The following FNIP2 variants were observed in gnomAD, a reference collection of about 807,000 sequenced individuals.
FNIP2 encodes the protein folliculin-interacting protein 2.
A neutral mutation model predicts 108.7 loss-of-function variants in FNIP2; 32 were observed. That is an observed-to-expected ratio of 0.29 (90% CI 0.22 to 0.40). The LOEUF is 0.40. Ranked by LOEUF, FNIP2 falls within the 10% of genes least tolerant of loss-of-function variation. FNIP2 has a pLI of 1.00. For synonymous variants in FNIP2, 480 were observed against 496.7 expected, an observed-to-expected ratio of 0.97 and a Z score of 0.45; for missense variants, 1,202 against 1,381.6, an observed-to-expected ratio of 0.87 and a Z score of 2.06.
intron 1 of FNIP2, among the ~76,000 whole-genome samples, chr4:158,782,630 C>T (rs1198325566): frequency 6.6e-6 from 1 of 151,904 alleles, no homozygotes; most frequent in African/African-American, 2.4e-5. Context: ...CCTAAAATTC[C>T]AGACTTATTG....
In FNIP2 at chr4:158,868,455, A is replaced by C. The variant is rs746799652; in HGVS notation, c.1819A>C (p.Ser607Arg). Residue 607 changes from serine to arginine, a missense_variant, in exon 13 of 17, where the codon AGT (serine) becomes CGT (arginine). Physicochemically the swap from Ser to Arg is moderately radical, Grantham distance 110. Coordinates refer to ENST00000264433, the MANE Select transcript of FNIP2 (RefSeq NM_020840.3). This position sits in a 1 kb window ranked among gnomAD's most constrained non-coding sequence, Gnocchi z 4.6. ...TCCTGAGTGCCCAGAGGGCACTGAC[A>C]GTAGAGACCTGGGTCTTAAACCTGA... ...GFPECPEGTDSRDLGLKPDKE... is the reference protein window; with the variant it reads ...GFPECPEGTDRRDLGLKPDKE... The C allele has an allele frequency of 6.2e-6, 10 of 1,613,940 alleles. No homozygotes were observed. The highest frequency in any genetic ancestry group is 2.7e-5 in the African/African-American group (2 of 74,948).
rs545463527 is a variant in FNIP2 at position 158,858,109 on chromosome 4, T to C, written c.858-948T>C. Among the ~76,000 whole-genome samples the C allele has an allele frequency of 3.8e-4, 58 of 152,360 alleles. 2 individuals are homozygous for C. The highest frequency in any genetic ancestry group is 3.7e-3 in the Admixed American group (57 of 15,306). ...AGGGGGCAGAAGGCTAATTCTCATA[T>C]TCTGCCCAGCATGAGTAATTGTTAT... On this transcript the variant is annotated intron_variant, in intron 8 of 16. Transcript: ENST00000264433.
Position 158,851,398 on chromosome 4 carries a change from C to G in FNIP2, c.805C>G (p.Arg269Gly). The change falls in exon 8 of 17, where the codon CGC becomes GGC. Residue 269 changes from arginine (R) to glycine (G), a missense_variant. This residue lies in a region of FNIP2 where 878 missense variants were observed against 990.3 expected (regional missense o/e 0.89). Transcript: ENST00000264433. ...STSSSSSYQR[R>G]WLRSQTTSLE... ...ATCTTCTTCCAGCAGTTACCAGCGC[C>G]GCTGGCTTCGAAGTCAGACAACAAG... 6.2e-7 allele frequency: 1 copy of G among 1,613,934 alleles called. No homozygotes were observed. Among genetic ancestry groups the G allele is most frequent in the Non-Finnish European group, 8.5e-7 (1 of 1,179,868 alleles).
At chr4:158,830,504 C>T (rs1184574739) in intron 3 of FNIP2, among the ~76,000 whole-genome samples, 1 of 152,010 alleles carries the variant, frequency 6.6e-6, no homozygotes, top group Admixed American at 6.5e-5. Flanking sequence ...CCTCATGATC[C>T]ACCCGCCTCG....
chr4:158,827,033 G>A (rs1048200550), intron 2 of FNIP2, among the ~76,000 whole-genome samples: 3 of 152,168 alleles, frequency 2.0e-5, no homozygotes, highest in African/African-American at 7.2e-5. Flanking sequence ...GGAAGTGTTT[G>A]GTTAAACACA....
At chr4:158,841,424 T>A (rs1449761328) in intron 7 of FNIP2, among the ~76,000 whole-genome samples, 1 of 152,160 alleles carries the variant, frequency 6.6e-6, no homozygotes, top group African/African-American at 2.4e-5. Context: ...CAAGTCAGGT[T>A]CTTTATTACA....
At chr4:158,867,814 G>C (rs1256637614) in intron 12 of FNIP2, among the ~76,000 whole-genome samples, 1 of 152,172 alleles carries the variant, frequency 6.6e-6, no homozygotes, top group Non-Finnish European at 1.5e-5. Context: ...CTCATTGGCT[G>C]ACCCACTGAG....
chr4:158,786,075 A>G (rs1252953352), intron 1 of FNIP2, among the ~76,000 whole-genome samples: 1 of 152,216 alleles, frequency 6.6e-6, no homozygotes, highest in Non-Finnish European at 1.5e-5. Context: ...ACCTTGAAAG[A>G]TCTTACTGTT....
intron 14 of FNIP2, chr4:158,872,219 AATCTATTG>A (rs1195408871): frequency 1.0e-6 from 1 of 985,294 alleles, no homozygotes; most frequent in Admixed American, 6.1e-5. Flanking sequence ...CTGGAAATGC[AATCTATTG>A]ATTGATAACC....
intron 1 of FNIP2, among the ~76,000 whole-genome samples, chr4:158,770,566 TGCAC>T (rs1775663043): frequency 6.6e-6 from 1 of 152,184 alleles, no homozygotes; most frequent in Non-Finnish European, 1.5e-5. Flanking sequence ...TGTGTGTGTG[TGCAC>T]GCGCGCTCAT....
At chr4:158,804,569 C>T (rs1020463864) in intron 1 of FNIP2, among the ~76,000 whole-genome samples, 4 of 152,060 alleles carry the variant, frequency 2.6e-5, no homozygotes, top group Non-Finnish European at 4.4e-5. Flanking sequence ...CATGCCACTA[C>T]TCCTGGCTCA....
intron 1 of FNIP2, among the ~76,000 whole-genome samples, chr4:158,800,662 A>G (rs1006786740): frequency 4.6e-5 from 7 of 152,196 alleles, no homozygotes; most frequent in African/African-American, 1.7e-4. Flanking sequence ...TATCCTGATC[A>G]TGGCTGCTCA....
intron 3 of FNIP2, among the ~76,000 whole-genome samples, chr4:158,830,000 C>T (rs1052453431): frequency 6.6e-6 from 1 of 152,074 alleles, no homozygotes; most frequent in Non-Finnish European, 1.5e-5. Context: ...CACAGTGCTC[C>T]AGGGTCTCAC....
chr4:158,862,975 A>G (rs1225607389), intron 12 of FNIP2, among the ~76,000 whole-genome samples: 1 of 152,268 alleles, frequency 6.6e-6, no homozygotes, highest in East Asian at 1.9e-4. Flanking sequence ...TATTTGAAAC[A>G]TAACTGAGAG....
chr4:158,894,366 C>G (rs1388044426), intron 15 of FNIP2, among the ~76,000 whole-genome samples: 1 of 151,926 alleles, frequency 6.6e-6, no homozygotes, highest in Non-Finnish European at 1.5e-5. Flanking sequence ...GAGACAGAGG[C>G]TCACTATGTT....
chr4:158,833,841 A>G, intron 6 of FNIP2: 1 of 1,498,080 alleles, frequency 6.7e-7, no homozygotes, highest in Non-Finnish European at 8.9e-7. Context: ...TGCAGGGGGT[A>G]GCTGAAGGAG....
chr4:158,872,553 A>G, intron 14 of FNIP2: 2 of 985,402 alleles, frequency 2.0e-6, no homozygotes, highest in Non-Finnish European at 2.4e-6. Context: ...AAGTGCAGCC[A>G]TGCGTGGGTG....
chr4:158,840,010 T>C (rs1355819606), intron 7 of FNIP2, among the ~76,000 whole-genome samples: 1 of 152,208 alleles, frequency 6.6e-6, no homozygotes, highest in African/African-American at 2.4e-5. Context: ...TTTTAAGGGG[T>C]TATTCTAGTG....
chr4:158,829,032 C>A (rs1039613817), intron 2 of FNIP2, 47 bp from the exon 3 acceptor site: 3 of 1,470,592 alleles, frequency 2.0e-6, no homozygotes, highest in African/African-American at 2.8e-5. Context: ...GTTGACGAAC[C>A]TGATATACTT....
Sources: gnomAD v4.1 joint callset for allele counts (sites outside exome capture counted in the v4.1 genomes callset) on GRCh38, gnomAD v4.1.1 for gene constraint, gnomAD v4.1.1 regional missense constraint, Gnocchi (gnomAD v3.1) non-coding constraint, MANE v1.5 for transcripts, NCBI Gene and HGNC (gene_info 2026-07-23, HGNC 2026-07-21) for gene names.